The following RANBP2 variants were observed in gnomAD, a reference collection of about 807,000 sequenced individuals.
RANBP2 encodes the protein RAN binding protein 2, also known as E3 SUMO-protein ligase RanBP2.
In RANBP2, 57 loss-of-function variants were observed where a neutral mutation model predicts 303.6. The ratio of observed to expected loss-of-function variants is 0.19; its 90% CI spans 0.15 to 0.23. RANBP2 has a LOEUF of 0.23. Ranked by LOEUF, RANBP2 falls within the 10% of genes least tolerant of loss-of-function variation. The probability of loss-of-function intolerance (pLI) is 1.00; values close to 1 mark genes in which losing one functional copy is unlikely to be tolerated. For synonymous variants in RANBP2, 1,167 were observed against 1,301.5 expected, an observed-to-expected ratio of 0.90 and a Z score of 2.23; for missense variants, 3,138 against 3,780.8, an observed-to-expected ratio of 0.83 and a Z score of 4.46.
the RANBP2 span, among the ~76,000 whole-genome samples, chr2:109,466,867 GTA>G: frequency 2.6e-5 from 4 of 152,042 alleles, no homozygotes; most frequent in Admixed American, 6.5e-5. Context: ...GTGCATGTGT[GTA>G]TATGTTTGTG....
At chr2:108,883,926 T>G in the RANBP2 span, 24 of 135,538 alleles carry the variant, frequency 1.8e-4, no homozygotes, top group African/African-American at 6.3e-4. Flanking sequence ...CTTGTTTTGA[T>G]TTTTTGTTTG....
At chr2:109,163,645 C>T in the RANBP2 span, among the ~76,000 whole-genome samples, 4,226 of 151,924 alleles carry the variant, frequency 0.028, 95 homozygotes, top group Non-Finnish European at 0.046. Flanking sequence ...GTGATCCGCC[C>T]GCCTCGGCCT....
chr2:108,907,501 A>T, the RANBP2 span, among the ~76,000 whole-genome samples: 1 of 152,056 alleles, frequency 6.6e-6, no homozygotes, highest in African/African-American at 2.4e-5. Flanking sequence ...AAAAAAAATT[A>T]GCTGGGTGTG....
chr2:108,890,515 G>A, the RANBP2 span, among the ~76,000 whole-genome samples: 1 of 152,132 alleles, frequency 6.6e-6, no homozygotes, highest in African/African-American at 2.4e-5. Context: ...AAAGTGCTGG[G>A]ATTACAGGCA....
At chr2:108,805,104 T>C in the RANBP2 span, 12 of 578,260 alleles carry the variant, frequency 2.1e-5, no homozygotes, top group South Asian at 9.5e-4. Context: ...ACGTTTCAGC[T>C]AGAGAAAATT....
the RANBP2 span, among the ~76,000 whole-genome samples, chr2:108,974,655 G>A: frequency 2.0e-5 from 3 of 152,042 alleles, no homozygotes; most frequent in African/African-American, 2.4e-5. Context: ...GCTTGAACCC[G>A]GCAGGCGAAG....
the RANBP2 span, among the ~76,000 whole-genome samples, chr2:109,492,253 A>G: frequency 3.9e-5 from 6 of 152,216 alleles, no homozygotes; most frequent in Admixed American, 2.0e-4. Flanking sequence ...ATGTGACAAC[A>G]TTCACAGCTC....
At chr2:109,209,134 A>G in the RANBP2 span, among the ~76,000 whole-genome samples, 2 of 152,204 alleles carry the variant, frequency 1.3e-5, no homozygotes, top group African/African-American at 4.8e-5. Flanking sequence ...GCCACTGGGA[A>G]GTGGGTCCAA....
the RANBP2 span, among the ~76,000 whole-genome samples, chr2:109,767,117 G>A: frequency 6.1e-4 from 88 of 143,592 alleles, 1 homozygote; most frequent in African/African-American, 2.2e-3. Flanking sequence ...AGGTTGTGAC[G>A]TTAAGTAATA....
the RANBP2 span, among the ~76,000 whole-genome samples, chr2:109,089,419 A>C: frequency 2.0e-5 from 3 of 151,970 alleles, no homozygotes; most frequent in African/African-American, 7.3e-5. Flanking sequence ...CCTAAGCAAC[A>C]CAGTGAGACC....
At chr2:109,081,858 G>A in the RANBP2 span, among the ~76,000 whole-genome samples, 4 of 152,234 alleles carry the variant, frequency 2.6e-5, no homozygotes, top group African/African-American at 7.2e-5. Flanking sequence ...TTGCCAACGA[G>A]GCATCTTCTG....
At chr2:109,416,583 C>T in the RANBP2 span, among the ~76,000 whole-genome samples, 14 of 151,794 alleles carry the variant, frequency 9.2e-5, no homozygotes, top group Admixed American at 7.9e-4. Context: ...CGGGGTTTCA[C>T]CATATTGACC....
At chr2:109,615,731 G>A in the RANBP2 span, 5 of 1,613,936 alleles carry the variant, frequency 3.1e-6, no homozygotes, top group Non-Finnish European at 4.2e-6. Context: ...GGCGCTGGAG[G>A]CTTTCAAAGG....
At chr2:109,192,226 G>A in the RANBP2 span, among the ~76,000 whole-genome samples, 1 of 152,206 alleles carries the variant, frequency 6.6e-6, no homozygotes, top group Non-Finnish European at 1.5e-5. Flanking sequence ...GATTCTGTCT[G>A]TATCTAAGCA....
At chr2:109,026,446 G>A in the RANBP2 span, among the ~76,000 whole-genome samples, 3 of 152,012 alleles carry the variant, frequency 2.0e-5, no homozygotes, top group Admixed American at 6.6e-5. Flanking sequence ...TATTTTAATG[G>A]CCACCGTTTT....
At chr2:109,561,061 G>A in the RANBP2 span, among the ~76,000 whole-genome samples, 11 of 150,580 alleles carry the variant, frequency 7.3e-5, no homozygotes, top group Admixed American at 6.6e-4. Flanking sequence ...CTAAAATAGC[G>A]TTGCCTTCCC....
the RANBP2 span, among the ~76,000 whole-genome samples, chr2:109,256,684 A>G: frequency 3.3e-5 from 5 of 152,224 alleles, no homozygotes; most frequent in East Asian, 7.7e-4. Flanking sequence ...TGTTTTCTCA[A>G]TCTTTCTTTT....
chr2:109,570,757 C>T, the RANBP2 span, among the ~76,000 whole-genome samples: 1 of 152,048 alleles, frequency 6.6e-6, no homozygotes, highest in Non-Finnish European at 1.5e-5. Flanking sequence ...CTCCTGACCT[C>T]GTGATCCACC....
the RANBP2 span, among the ~76,000 whole-genome samples, chr2:109,646,219 C>A: frequency 2.0e-4 from 31 of 152,286 alleles, no homozygotes; most frequent in Non-Finnish European, 4.1e-4. Context: ...CAGAAAGTGG[C>A]ACTGGCTTCA....
Sources: allele counts gnomAD v4.1 joint callset (sites outside exome capture counted in the v4.1 genomes callset), GRCh38; gene constraint gnomAD v4.1.1; transcripts MANE v1.5; gene names NCBI Gene and HGNC (gene_info 2026-07-23, HGNC 2026-07-21).